MACC1: variants seen among roughly 807,000 people sequenced by gnomAD.
MACC1 encodes the protein metastasis-associated in colon cancer protein 1.
In MACC1, 79 loss-of-function variants were observed where a neutral mutation model predicts 70.7. That is an observed-to-expected ratio of 1.12 (90% CI 0.93 to 1.35). The LOEUF (loss-of-function observed/expected upper bound fraction) is 1.35, where lower values mean the gene tolerates loss of function less well. Among genes scored for constraint, MACC1 ranks in the 40% most tolerant of loss-of-function variants. The pLI is 0.00. For missense variants in MACC1, 1,106 were observed against 978.1 expected (o/e 1.13, Z -1.74); for synonymous variants, 361 against 347.2 (o/e 1.04, Z -0.44).
rs1345328395 is a variant in MACC1 at position 20,139,727 on chromosome 7, G to C, written c.*1219C>G. 6.6e-6 allele frequency: 1 copy of C among 151,984 alleles called. No homozygotes were observed. Among genetic ancestry groups the C allele is most frequent in the Non-Finnish European group, 1.5e-5 (1 of 68,000 alleles). The allele number at this position is 151,984 out of a possible 1,614,324, so 9.4% of individuals were successfully genotyped here. On this transcript the variant is annotated 3_prime_UTR_variant, in exon 7 of 7. Transcript: ENST00000400331. ...AGGAGTAAGCAAAATACATCTCTTT[G>C]TGAACTTTGTCAGCCATTAGCATTT...
chr7:20,163,926 T>A (rs73276436), intron 3 of MACC1, among the ~76,000 whole-genome samples: 4,510 of 152,294 alleles, frequency 0.03, 244 homozygotes, highest in African/African-American at 0.1. Context: ...AGTTATTTTT[T>A]AAATTATCAT....
Position 20,159,019 on chromosome 7 carries a change from T to C in MACC1, c.1342A>G (p.Thr448Ala). Residue 448 changes from threonine (T) to alanine (A), a missense_variant, in exon 5 of 7, where the codon ACA becomes GCA. Transcript: ENST00000400331. ...FSCDPDFEVKTEGERKEIKQK... is the reference protein window; with the variant it reads ...FSCDPDFEVKAEGERKEIKQK... ...TTAATTTCTTTCCTTTCTCCTTCTG[T>C]CTTTACTTCAAAATCAGGATCACAG... 1 of 1,614,016 alleles carries C rather than the reference T, an allele frequency of 6.2e-7. No homozygotes were observed. The highest frequency in any genetic ancestry group is 1.1e-5 in the South Asian group (1 of 91,076).
chr7:20,160,050 CAGAAA>C lies in MACC1; in HGVS notation c.306_310del (p.Phe103Ter). On this transcript the variant is annotated frameshift_variant, in exon 5 of 7. Coordinates refer to ENST00000400331, the MANE Select transcript of MACC1 (RefSeq NM_182762.4). LOFTEE classifies it high-confidence loss of function. ...AGAATTTCCATTTTCTATTTCTCTA[CAGAAA>C]AGAAAAGGATCTTCCTTTAAGATGG... The C allele has an allele frequency of 1.2e-6, 2 of 1,610,372 alleles. No homozygotes were observed. Among genetic ancestry groups the C allele is most frequent in the Admixed American group, 1.7e-5 (1 of 59,222 alleles).
At chr7:20,152,854 C>T (rs1305175922) in intron 6 of MACC1, among the ~76,000 whole-genome samples, 1 of 152,240 alleles carries the variant, frequency 6.6e-6, no homozygotes, top group Admixed American at 6.5e-5. Flanking sequence ...CAAAACAGAA[C>T]CTTATTAAGA....
chr7:20,165,299 T>G (rs1782196843), intron 2 of MACC1, among the ~76,000 whole-genome samples: 1 of 152,146 alleles, frequency 6.6e-6, no homozygotes, highest in African/African-American at 2.4e-5. Context: ...CTAACAAAGC[T>G]GTCAAATGAT....
chr7:20,171,296 G>C (rs1183057933), intron 1 of MACC1, among the ~76,000 whole-genome samples: 1 of 150,820 alleles, frequency 6.6e-6, no homozygotes, highest in Non-Finnish European at 1.5e-5. Flanking sequence ...CTGTCGCCCA[G>C]GCTGGAGTGC....
chr7:20,161,781 C>T lies in MACC1; in HGVS notation c.82G>A (p.Ala28Thr). 1 of 1,612,296 alleles carries T rather than the reference C, an allele frequency of 6.2e-7. No homozygotes were observed. The highest frequency in any genetic ancestry group is 8.5e-7 in the Non-Finnish European group (1 of 1,178,742). Residue 28 changes from alanine (A) to threonine (T), a missense_variant, in exon 4 of 7, where the codon GCT becomes ACT. Coordinates refer to ENST00000400331, the MANE Select transcript of MACC1 (RefSeq NM_182762.4). ...MSEANLIDME[A>T]GKLSKSCNIT... ...TTGCAACTTTTTGAGAGTTTTCCAG[C>T]TTCCATGTCAATCAAATTTGCTTCA...
chr7:20,151,990 C>T (rs1001698875), intron 6 of MACC1, among the ~76,000 whole-genome samples: 1 of 152,172 alleles, frequency 6.6e-6, no homozygotes, highest in African/African-American at 2.4e-5. Context: ...CTTATCCTCT[C>T]CATATCTTAG....
Position 20,161,807 on chromosome 7 carries a change from G to C in MACC1, c.56C>G (p.Ser19Cys), listed in dbSNP as rs774660471. ...FRSGRIAQSM[S>C]EANLIDMEAG... ...TTCCATGTCAATCAAATTTGCTTCA[G>C]ACATACTTTGTGCAATTCTTCCTGA... The change falls in exon 4 of 7, where the codon TCT becomes TGT. Residue 19 changes from serine to cysteine, a missense_variant. By Grantham distance (112) the Ser-to-Cys change is moderately radical. Coordinates refer to ENST00000400331, the MANE Select transcript of MACC1 (RefSeq NM_182762.4). The C allele has an allele frequency of 6.2e-7, 1 of 1,612,568 alleles. No homozygotes were observed. Among genetic ancestry groups the C allele is most frequent in the Non-Finnish European group, 8.5e-7 (1 of 1,179,014 alleles).
chr7:20,183,699 C>T (rs1304902177), intron 1 of MACC1, among the ~76,000 whole-genome samples: 1 of 145,996 alleles, frequency 6.8e-6, no homozygotes, highest in African/African-American at 2.6e-5. Flanking sequence ...TCCTTCAATA[C>T]CTGATTCTAA....
chr7:20,140,925 T>C lies in MACC1; in HGVS notation c.*21A>G, dbSNP rs530824094. 7 of 1,584,870 alleles carry C rather than the reference T, an allele frequency of 4.4e-6. No homozygotes were observed. In the African/African-American group the frequency reaches 9.5e-5, roughly 21 times the overall value. On this transcript the variant is annotated 3_prime_UTR_variant, in exon 7 of 7. Transcript: ENST00000400331. ...CACCATTACCTCATTTTCCCTCCCA[T>C]CAAAAACACACGCTTTGTTTCTATA...
rs1174188529 is a variant in MACC1, at chr7:20,140,526, A to G, written c.*420T>C. On this transcript the variant is annotated 3_prime_UTR_variant, in exon 7 of 7. Coordinates refer to ENST00000400331, the MANE Select transcript of MACC1 (RefSeq NM_182762.4). ...TGCCTTGATCATGTTGATAGTCTCT[A>G]GTTTACCCAGATATCTGTGTGATGT... 6.5e-6 allele frequency: 1 copy of G among 154,086 alleles called. No homozygotes were observed. Among genetic ancestry groups the G allele is most frequent in the Non-Finnish European group, 1.4e-5 (1 of 69,412 alleles). The allele number at this position is 154,086 out of a possible 1,614,324, so 9.5% of individuals were successfully genotyped here. A position where few individuals can be genotyped will look rare whatever the true frequency, so the allele number is the denominator to read the frequency against.
At chr7:20,183,313 A>G (rs1178065648) in intron 1 of MACC1, among the ~76,000 whole-genome samples, 1 of 152,246 alleles carries the variant, frequency 6.6e-6, no homozygotes, top group Non-Finnish European at 1.5e-5. Flanking sequence ...GTTGGCAAGA[A>G]AACAGGGACT....
rs554780652 is a variant in MACC1, at chr7:20,191,314, G to T, written c.-217-20536C>A. On this transcript the variant is annotated intron_variant, in intron 1 of 6. Transcript: ENST00000400331. ...CCCATGGGCCTACTTGCACTTCTGA[G>T]GTGTCTCAGGAGGTCCTGGAAACAC... 2.0e-5 allele frequency among the ~76,000 whole-genome samples: 3 copies of T among 152,330 alleles called. 1 individual carries two copies. In the South Asian group the frequency reaches 6.2e-4, roughly 32 times the overall value.
intron 6 of MACC1, 137 bp from the exon 7 acceptor site, chr7:20,141,295 T>C (rs1250847031): frequency 1.8e-6 from 1 of 544,584 alleles, no homozygotes; most frequent in African/African-American, 1.9e-5. Context: ...TTATTTGATG[T>C]CATAGAAAAT....
Position 20,140,802 on chromosome 7 carries a change from TA to T in MACC1, c.*143del. The T allele has an allele frequency of 4.4e-6, 2 of 456,380 alleles. No individual in the cohort carries two copies. The highest frequency in any genetic ancestry group is 7.4e-6 in the Non-Finnish European group (2 of 268,974). The allele number at this position is 456,380 out of a possible 1,614,324, so 28.3% of individuals were successfully genotyped here. ...TGCTTTTCTGAGATTCTTTCTTTCCTACACACACACACACACACACACAGAC... is the reference window on the plus strand; with the variant it reads ...TGCTTTTCTGAGATTCTTTCTTTCCTCACACACACACACACACACACAGAC... On this transcript the variant is annotated 3_prime_UTR_variant, in exon 7 of 7. Transcript: ENST00000400331.
intron 1 of MACC1, among the ~76,000 whole-genome samples, chr7:20,208,434 T>C (rs1181351056): frequency 6.6e-6 from 1 of 152,164 alleles, no homozygotes; most frequent in African/African-American, 2.4e-5. Context: ...TGGTCTCAGA[T>C]GGAAATGAGG....
rs993766306 is a variant in MACC1, at chr7:20,135,961, T to C, written c.*4985A>G. ...TGCTAAATGTGCTATGCCTTACACA[T>C]AGAGGACACAATTTTAATGTGGATA... On this transcript the variant is annotated 3_prime_UTR_variant, in exon 7 of 7. Transcript: ENST00000400331. The C allele has an allele frequency of 3.9e-5, 6 of 152,242 alleles. No homozygotes were observed. The highest frequency in any genetic ancestry group is 8.8e-5 in the Non-Finnish European group (6 of 68,042). 9.4% of individuals were successfully genotyped at this position (152,242 alleles called of 1,614,324 possible).
At chr7:20,207,300 G>A (rs1296944673) in intron 1 of MACC1, among the ~76,000 whole-genome samples, 1 of 150,702 alleles carries the variant, frequency 6.6e-6, no homozygotes, top group Non-Finnish European at 1.5e-5. Context: ...GCCACCCCAT[G>A]TCTGGTTAAT....
Sources: allele counts gnomAD v4.1 joint callset (sites outside exome capture counted in the v4.1 genomes callset), GRCh38; gene constraint gnomAD v4.1.1; transcripts MANE v1.5; gene names NCBI Gene and HGNC (gene_info 2026-07-23, HGNC 2026-07-21).